Variants in DOT1L observed in about 807,000 individuals in gnomAD.
DOT1L encodes DOT1 like histone lysine methyltransferase, also known as histone-lysine N-methyltransferase, H3 lysine-79 specific.
A neutral mutation model predicts 153.3 loss-of-function variants in DOT1L; 33 were observed. The observed-to-expected ratio is 0.22, with a 90% CI of 0.16 to 0.29. The LOEUF is 0.29. Ranked by LOEUF, DOT1L falls within the 10% of genes least tolerant of loss-of-function variation. The pLI is 1.00. For synonymous variants in DOT1L, 1,135 were observed against 965.1 expected (o/e 1.18, Z -3.26); for missense variants, 1,847 against 2,119.9 (o/e 0.87, Z 2.53).
intron 1 of DOT1L, among the ~76,000 whole-genome samples, chr19:2,169,246 C>G (rs1171654575): frequency 6.6e-6 from 1 of 152,160 alleles, no homozygotes; most frequent in African/African-American, 2.4e-5. Context: ...TTTTCTGCTG[C>G]TGACCTCTGA....
At position 2,164,030 on chromosome 19, in the gene DOT1L, C is replaced by CGCG. The variant is rs576715318; in HGVS notation, c.-134_-132dup. On this transcript the variant is annotated 5_prime_UTR_variant, in exon 1 of 28. Coordinates refer to ENST00000398665, the MANE Select transcript of DOT1L (RefSeq NM_032482.3). Reference sequence around the variant, plus strand: ...AGTCGGGGGCCGGGCCGGACCGGAGCGCGGCGGCGGCGGCGGCGGCGGCCG... The same window carrying CGCG: ...AGTCGGGGGCCGGGCCGGACCGGAGCGCGGCGGCGGCGGCGGCGGCGGCGGCCG... 1,050 of 301,134 alleles carry CGCG rather than the reference C, an allele frequency of 3.5e-3. 7 individuals carry two copies. The highest frequency in any genetic ancestry group is 0.011 in the Admixed American group (190 of 16,792). 18.7% of individuals were successfully genotyped at this position (301,134 alleles called of 1,614,324 possible).
chr19:2,217,660 G>C lies in DOT1L; in HGVS notation c.2545-112G>C, dbSNP rs2023955268. 1 of 1,453,978 alleles carries C rather than the reference G, an allele frequency of 6.9e-7. No homozygotes were observed. Among genetic ancestry groups the C allele is most frequent in the Admixed American group, 2.1e-5 (1 of 47,290 alleles). The allele number at this position is 1,453,978 out of a possible 1,614,324, so 90.1% of individuals were successfully genotyped here. A position where few individuals can be genotyped will look rare whatever the true frequency, so the allele number is the denominator to read the frequency against. On this transcript the variant is annotated intron_variant, in intron 21 of 27. Coordinates refer to ENST00000398665, the MANE Select transcript of DOT1L (RefSeq NM_032482.3). This position sits in a 1 kb window ranked among gnomAD's most constrained non-coding sequence, Gnocchi z 7.3. Reference sequence around the variant, plus strand: ...TGGGGAAGGTTGCAGGGCCTTGGCAGCGTGGGGGCCGCCTTGAGAGAGCTG... The same window carrying C: ...TGGGGAAGGTTGCAGGGCCTTGGCACCGTGGGGGCCGCCTTGAGAGAGCTG...
chr19:2,192,372 A>C (rs1362182427), intron 5 of DOT1L, among the ~76,000 whole-genome samples: 1 of 152,222 alleles, frequency 6.6e-6, no homozygotes, highest in Non-Finnish European at 1.5e-5. Context: ...AATGCAATAA[A>C]AAGAATGTGT....
At chr19:2,169,437 T>C (rs966413578) in intron 1 of DOT1L, among the ~76,000 whole-genome samples, 1 of 152,134 alleles carries the variant, frequency 6.6e-6, no homozygotes, top group Non-Finnish European at 1.5e-5. Context: ...CAGGGGGTAC[T>C]GGGGCGGGGA....
At chr19:2,225,520 C>A in intron 26 of DOT1L, 68 bp downstream of exon 26, 1 of 1,500,768 alleles carries the variant, frequency 6.7e-7, no homozygotes, top group Non-Finnish European at 9.3e-7. Flanking sequence ...GTCAGTGCTG[C>A]TGACCCACCT....
rs780810017 is a variant in DOT1L at position 2,226,491 on chromosome 19, G to A, written c.3970G>A (p.Ala1324Thr). The change falls in exon 27 of 28, where the codon GCG becomes ACG. Residue 1324 changes from alanine (A) to threonine (T), a missense_variant. Coordinates refer to ENST00000398665, the MANE Select transcript of DOT1L (RefSeq NM_032482.3). ...NGCTFGGGLA[A>T]DLSLHSFSDG... is the part of the protein sequence containing the mutation. ...CTGCACCTTCGGCGGGGGCCTGGCC[G>A]CGGACCTGAGTTTACACAGCTTCAG... 2.5e-6 allele frequency: 4 copies of A among 1,600,646 alleles called. No homozygotes were observed.
rs748089417 is a variant in DOT1L at position 2,230,215 on chromosome 19, C to T, written c.*423C>T. 42 of 418,940 alleles carry T rather than the reference C, an allele frequency of 1.0e-4. No homozygotes were observed. The highest frequency in any genetic ancestry group is 4.3e-4 in the African/African-American group (21 of 48,710). The allele number at this position is 418,940 out of a possible 1,614,324, so 26.0% of individuals were successfully genotyped here. On this transcript the variant is annotated 3_prime_UTR_variant, in exon 28 of 28. Transcript: ENST00000398665. ...CTCCACCCGCTTGGTGCTGACTAGA[C>T]GCTGACAACGCCGAACCCCGTTCTC...
In DOT1L at chr19:2,213,978, T is replaced by G. The variant is rs2023809704; in HGVS notation, c.1789T>G (p.Leu597Val). The G allele has an allele frequency of 1.2e-6, 2 of 1,612,460 alleles. No individual in the cohort carries two copies. Among genetic ancestry groups the G allele is most frequent in the Non-Finnish European group, 1.7e-6 (2 of 1,179,732 alleles). ...QDNRALRGQS[L>V]QLLKARCEEL... ...CAACCGCGCGCTCCGCGGCCAGAGCTTGCAGCTGGTGGGTGCCGCGGCGCA... is the reference window on the plus strand; with the variant it reads ...CAACCGCGCGCTCCGCGGCCAGAGCGTGCAGCTGGTGGGTGCCGCGGCGCA... The change falls in exon 18 of 28, where the codon TTG becomes GTG. Residue 597 changes from leucine (L) to valine (V), a missense_variant. This residue lies in a region of DOT1L where 156 missense variants were observed against 235.7 expected (regional missense o/e 0.66). Transcript: ENST00000398665.
At chr19:2,228,423 G>T (rs999542888) in intron 27 of DOT1L, 1 of 1,244,008 alleles carries the variant, frequency 8.0e-7, no homozygotes, top group Middle Eastern at 2.4e-4. Flanking sequence ...TCCAGACACT[G>T]AACTGTCCTT....
chr19:2,178,725 C>A (rs2144689281), intron 1 of DOT1L, among the ~76,000 whole-genome samples: 1 of 150,712 alleles, frequency 6.6e-6, no homozygotes, highest in Admixed American at 6.7e-5. Context: ...CCGGCCACGC[C>A]CAGCTAATTT....
At chr19:2,212,092 G>T in intron 16 of DOT1L, 1 of 466,886 alleles carries the variant, frequency 2.1e-6, no homozygotes, top group Non-Finnish European at 3.8e-6. Context: ...GGCACACCCA[G>T]CACAGTTTGA....
rs769440254 is a variant in DOT1L at position 2,207,530 on chromosome 19, C to G, written c.857-44C>G. On this transcript the variant is annotated intron_variant, in intron 10 of 27. Coordinates refer to ENST00000398665, the MANE Select transcript of DOT1L (RefSeq NM_032482.3). This position sits in a 1 kb window ranked among gnomAD's most constrained non-coding sequence, Gnocchi z 4.5. Reference sequence around the variant, plus strand: ...GGTGGGTGAGGTCTGCATGGAGGGGCTGTGGGCAGGCGCAGGCCCCGGCCT... The same window carrying G: ...GGTGGGTGAGGTCTGCATGGAGGGGGTGTGGGCAGGCGCAGGCCCCGGCCT... 6 of 1,552,368 alleles carry G rather than the reference C, an allele frequency of 3.9e-6. No individual in the cohort carries two copies. Among genetic ancestry groups the G allele is most frequent in the Middle Eastern group, 1.7e-4 (1 of 5,894 alleles).
chr19:2,177,783 C>T (rs967149144), intron 1 of DOT1L, among the ~76,000 whole-genome samples: 2 of 151,332 alleles, frequency 1.3e-5, no homozygotes, highest in African/African-American at 2.4e-5. Context: ...TTTTTTTGAG[C>T]TGGAATCTCA....
intron 2 of DOT1L, among the ~76,000 whole-genome samples, chr19:2,181,916 CG>C (rs2022258760): frequency 2.0e-5 from 3 of 152,148 alleles, no homozygotes; most frequent in African/African-American, 7.2e-5. Context: ...CACAGAGGGC[CG>C]GGCAGTCTTT....
chr19:2,174,288 C>T (rs181887179), intron 1 of DOT1L, among the ~76,000 whole-genome samples: 1 of 152,354 alleles, frequency 6.6e-6, no homozygotes, highest in Admixed American at 6.5e-5. Context: ...GATGCTCAGC[C>T]AGGAAGCAAC....
At chr19:2,181,405 C>T (rs982048595) in intron 2 of DOT1L, among the ~76,000 whole-genome samples, 104 of 152,218 alleles carry the variant, frequency 6.8e-4, no homozygotes, top group African/African-American at 2.5e-3. Context: ...GTGCCCATGC[C>T]CAGCATCTGC....
chr19:2,167,986 C>T (rs1568323452), intron 1 of DOT1L, among the ~76,000 whole-genome samples: 2 of 152,156 alleles, frequency 1.3e-5, no homozygotes, highest in Non-Finnish European at 2.9e-5. Flanking sequence ...CCGTCCACCT[C>T]GGCCTCCCAG....
rs565517527 is a variant in DOT1L, at chr19:2,198,091, T to C, written c.652-1793T>C. Among the ~76,000 whole-genome samples, 10 of 152,328 alleles carry C rather than the reference T, an allele frequency of 6.6e-5. No homozygotes were observed. The South Asian group carries it at 2.1e-3, about 32-fold the overall frequency. ...AGGGTTGCATATAAACCACGGTGTT[T>C]GCAGGAACAGCTTCGGCCCCAGAGC... On this transcript the variant is annotated intron_variant, in intron 7 of 27. Coordinates refer to ENST00000398665, the MANE Select transcript of DOT1L (RefSeq NM_032482.3).
chr19:2,211,481 G>A (rs2023711404), intron 15 of DOT1L, among the ~76,000 whole-genome samples: 1 of 152,210 alleles, frequency 6.6e-6, no homozygotes, highest in Admixed American at 6.5e-5. Context: ...CTGGCATGGG[G>A]TGGGTGCAGG....
Sources: allele counts gnomAD v4.1 joint callset (sites outside exome capture counted in the v4.1 genomes callset), GRCh38; gene constraint gnomAD v4.1.1; regional missense constraint gnomAD v4.1.1; non-coding constraint Gnocchi (gnomAD v3.1); transcripts MANE v1.5; gene names NCBI Gene and HGNC (gene_info 2026-07-23, HGNC 2026-07-21).